NRIP1: variants seen among roughly 807,000 people sequenced by gnomAD.
NRIP1 encodes the protein nuclear receptor interacting protein 1.
A neutral mutation model predicts 75.0 loss-of-function variants in NRIP1; 28 were observed. The ratio of observed to expected loss-of-function variants is 0.37; its 90% CI spans 0.28 to 0.51. NRIP1 has a LOEUF of 0.51. Among genes scored for constraint, NRIP1 ranks in the 20% least tolerant of loss-of-function variants. NRIP1 has a pLI of 0.92. For missense variants in NRIP1, 1,435 were observed against 1,343.7 expected (o/e 1.07, Z -1.06); for synonymous variants, 526 against 487.6 (o/e 1.08, Z -1.04).
intron 1 of NRIP1, among the ~76,000 whole-genome samples, chr21:15,061,443 A>G (rs1232423329): frequency 2.0e-5 from 3 of 152,144 alleles, no homozygotes; most frequent in Non-Finnish European, 2.9e-5. Flanking sequence ...ATATCCAAAG[A>G]TCTAGACAGT....
In NRIP1 at chr21:14,963,536, C is replaced by T. The variant is rs2086644094; in HGVS notation, c.*1180G>A. The T allele has an allele frequency of 1.3e-5, 2 of 152,538 alleles. No homozygotes were observed. The highest frequency in any genetic ancestry group is 2.4e-5 in the African/African-American group (1 of 41,504). The allele number at this position is 152,538 out of a possible 1,614,324, so 9.4% of individuals were successfully genotyped here. A position where few individuals can be genotyped will look rare whatever the true frequency, so the allele number is the denominator to read the frequency against. Reference sequence around the variant, plus strand: ...TTGCAAATTTTGAGCTGATGTGTGACTGTATTGGGGAAAATAGAGGCATCA... The same window carrying T: ...TTGCAAATTTTGAGCTGATGTGTGATTGTATTGGGGAAAATAGAGGCATCA... On this transcript the variant is annotated 3_prime_UTR_variant, in exon 4 of 4. Transcript: ENST00000318948.
Position 14,966,530 on chromosome 21 carries a change from G to A in NRIP1, c.1663C>T (p.Pro555Ser). The A allele has an allele frequency of 6.2e-7, 1 of 1,614,052 alleles. No individual in the cohort carries two copies. Among genetic ancestry groups the A allele is most frequent in the Non-Finnish European group, 8.5e-7 (1 of 1,179,938 alleles). The part of the protein sequence containing the change: ...TNRTTPVSTP[P>S]LLTSSKAGSP... ...CCTGCTTTGCTTGATGTAAGTAAAG[G>A]TGGAGTGCTCACTGGAGTAGTCCGA... Residue 555 changes from proline to serine, a missense_variant, in exon 4 of 4, where the codon CCT (proline) becomes TCT (serine). By Grantham distance (74) the Pro-to-Ser change is moderately conservative (BLOSUM62 -1). Transcript: ENST00000318948.
At chr21:15,014,677 A>C (rs1169898951) in intron 2 of NRIP1, among the ~76,000 whole-genome samples, 1 of 152,228 alleles carries the variant, frequency 6.6e-6, no homozygotes, top group East Asian at 1.9e-4. Flanking sequence ...CGATAAAAGT[A>C]GCTGCTTCAA....
chr21:15,043,825 T>C (rs2089011815), intron 1 of NRIP1, among the ~76,000 whole-genome samples: 1 of 152,184 alleles, frequency 6.6e-6, no homozygotes, highest in Non-Finnish European at 1.5e-5. Context: ...TTTTTTTGTT[T>C]GTTTGTTTTT....
intron 2 of NRIP1, among the ~76,000 whole-genome samples, chr21:15,031,290 G>A (rs75811251): frequency 1.6e-5 from 2 of 126,324 alleles, no homozygotes; most frequent in African/African-American, 5.9e-5. Flanking sequence ...CTGGAAGGCG[G>A]TTGGAGGTTC....
chr21:14,965,329 T>C lies in NRIP1; in HGVS notation c.2864A>G (p.Asn955Ser). ...CVRDLSPHRS[N>S]SVADSKKKGH... ...TTTCTTTTTACTGTCAGCCACAGAG[T>C]TACTTCTGTGCGGGGACAAATCTCG... is the stretch of plus-strand genomic sequence containing the variant. The change falls in exon 4 of 4, where the codon AAC becomes AGC. Residue 955 changes from asparagine (N) to serine (S), a missense_variant. Physicochemically the swap from Asn to Ser is conservative, Grantham distance 46. Transcript: ENST00000318948. The C allele has an allele frequency of 6.2e-7, 1 of 1,614,002 alleles. No homozygotes were observed. Among genetic ancestry groups the C allele is most frequent in the Non-Finnish European group, 8.5e-7 (1 of 1,179,938 alleles).
intron 3 of NRIP1, among the ~76,000 whole-genome samples, chr21:14,973,097 T>C (rs148868132): frequency 6.6e-6 from 1 of 151,850 alleles, no homozygotes; most frequent in Non-Finnish European, 1.5e-5. Flanking sequence ...TGTGCATGTG[T>C]CTATTTAAAG....
At chr21:15,002,927 G>A (rs2087882029) in intron 3 of NRIP1, among the ~76,000 whole-genome samples, 1 of 152,032 alleles carries the variant, frequency 6.6e-6, no homozygotes, top group South Asian at 2.1e-4. Flanking sequence ...TTTACATTAT[G>A]AATAATCCCA....
intron 3 of NRIP1, among the ~76,000 whole-genome samples, chr21:15,006,861 G>A (rs182229213): frequency 3.3e-5 from 5 of 152,278 alleles, no homozygotes; most frequent in Admixed American, 1.3e-4. Flanking sequence ...TGTGCTAAAT[G>A]CAATGACTGA....
intron 2 of NRIP1, among the ~76,000 whole-genome samples, chr21:15,036,254 T>G (rs1421254881): frequency 6.6e-6 from 1 of 152,128 alleles, no homozygotes; most frequent in Non-Finnish European, 1.5e-5. Flanking sequence ...AGATGGCCAA[T>G]AAAGTTAACT....
intron 2 of NRIP1, among the ~76,000 whole-genome samples, chr21:15,016,117 G>T (rs17306819): frequency 0.027 from 4,074 of 152,274 alleles, 172 homozygotes; most frequent in East Asian, 0.2. Context: ...GACTGTATTT[G>T]ATTTTCACAA....
chr21:14,966,440 T>C lies in NRIP1; in HGVS notation c.1753A>G (p.Ser585Gly), dbSNP rs752101664. The C allele has an allele frequency of 1.2e-6, 2 of 1,614,122 alleles. No homozygotes were observed. Among genetic ancestry groups the C allele is most frequent in the South Asian group, 1.1e-5 (1 of 91,082 alleles). The change falls in exon 4 of 4, where the codon AGT (serine) becomes GGT (glycine). Residue 585 changes from serine (S) to glycine (G), a missense_variant. Physicochemically the swap from Ser to Gly is moderately conservative, Grantham distance 56 (BLOSUM62 0). Coordinates refer to ENST00000318948, the MANE Select transcript of NRIP1 (RefSeq NM_003489.4). The stretch of plus-strand genomic sequence containing the variant: ...TTTGTTAGCTTTTCAGACTGAGTAC[T>C]GCAGACATATGGTGGGGAATTCCAT... ...IKWNSPPYVC[S>G]TQSEKLTNTA...
intron 3 of NRIP1, among the ~76,000 whole-genome samples, chr21:15,004,369 T>TA (rs948565433): frequency 1.3e-5 from 2 of 152,178 alleles, no homozygotes; most frequent in Non-Finnish European, 1.5e-5. Context: ...ATTTTGTGGA[T>TA]AAAAAAATAA....
intron 3 of NRIP1, among the ~76,000 whole-genome samples, chr21:15,004,961 C>A (rs1248654125): frequency 6.6e-6 from 1 of 152,134 alleles, no homozygotes; most frequent in African/African-American, 2.4e-5. Context: ...GTTCCTAAGT[C>A]CAGCCATGTG....
chr21:14,972,721 A>G (rs554431639), intron 3 of NRIP1, among the ~76,000 whole-genome samples: 2 of 152,314 alleles, frequency 1.3e-5, no homozygotes, highest in South Asian at 4.1e-4. Flanking sequence ...TTTTGCATGG[A>G]GTAGCGGGGT....
At chr21:14,985,927 A>G (rs2087388045) in intron 3 of NRIP1, among the ~76,000 whole-genome samples, 1 of 152,210 alleles carries the variant, frequency 6.6e-6, no homozygotes, top group South Asian at 2.1e-4. Flanking sequence ...TTTAGTCTCT[A>G]AAACCAGACA....
At chr21:14,988,499 A>ATGTGTGTG (rs368052539) in intron 3 of NRIP1, among the ~76,000 whole-genome samples, 3 of 131,322 alleles carry the variant, frequency 2.3e-5, no homozygotes, top group Non-Finnish European at 5.0e-5. Context: ...GTATATATAT[A>ATGTGTGTG]TGTGTGTGTG....
intron 2 of NRIP1, among the ~76,000 whole-genome samples, chr21:15,038,200 C>T (rs1425056533): frequency 6.6e-6 from 1 of 152,010 alleles, no homozygotes; most frequent in Admixed American, 6.6e-5. Flanking sequence ...ATTATAATGT[C>T]CCCTTTGAAT....
At position 15,014,465 on chromosome 21, in the gene NRIP1, A is replaced by C. The variant is rs942646665; in HGVS notation, c.-456T>G. 4 of 398,298 alleles carry C rather than the reference A, an allele frequency of 1.0e-5. No individual in the cohort carries two copies. Among genetic ancestry groups the C allele is most frequent in the African/African-American group, 8.2e-5 (4 of 48,624 alleles). 24.7% of individuals were successfully genotyped at this position (398,298 alleles called of 1,614,324 possible). ...CCTGTCCTCCTTCAGTCAAGTGTGC[A>C]TCTTAACAAGAGGGAAAAGATAGTT... On this transcript the variant is annotated splice_region_variant and 5_prime_UTR_variant, in exon 3 of 4. An upstream start codon of the reference 5' UTR is lost. Transcript: ENST00000318948.
Sources: allele counts gnomAD v4.1 joint callset (sites outside exome capture counted in the v4.1 genomes callset), GRCh38; gene constraint gnomAD v4.1.1; transcripts MANE v1.5; gene names NCBI Gene and HGNC (gene_info 2026-07-23, HGNC 2026-07-21).